The following FAS variants were observed in gnomAD, a reference collection of about 807,000 sequenced individuals.
FAS encodes Fas cell surface death receptor, also known as tumor necrosis factor receptor superfamily member 6.
In FAS, 5 loss-of-function variants were observed where a neutral mutation model predicts 33.2. The ratio of observed to expected loss-of-function variants is 0.15; its 90% CI spans 0.08 to 0.32. The LOEUF (loss-of-function observed/expected upper bound fraction) is 0.32, where lower values mean the gene tolerates loss of function less well. FAS is among the 10% of genes least tolerant of loss of function. The probability of loss-of-function intolerance (pLI) is 1.00; values close to 1 mark genes in which losing one functional copy is unlikely to be tolerated. For missense variants in FAS, 339 were observed against 386.0 expected, an observed-to-expected ratio of 0.88 and a Z score of 1.02; for synonymous variants, 131 against 130.7, an observed-to-expected ratio of 1.00 and a Z score of -0.01.
chr10:88,970,582 C>T (rs1846416868), intron 1 of FAS, among the ~76,000 whole-genome samples: 1 of 152,050 alleles, frequency 6.6e-6, no homozygotes, highest in Non-Finnish European at 1.5e-5. Context: ...TTTAGATAGT[C>T]CAGAAATTAG....
intron 1 of FAS, among the ~76,000 whole-genome samples, chr10:88,969,124 AC>A (rs1403573565): frequency 1.3e-5 from 2 of 152,134 alleles, no homozygotes; most frequent in Non-Finnish European, 2.9e-5. Flanking sequence ...CAAGACAAAC[AC>A]TTTTATAAGT....
chr10:89,004,471 C>T (rs568981306), intron 2 of FAS, among the ~76,000 whole-genome samples: 3 of 151,384 alleles, frequency 2.0e-5, no homozygotes, highest in African/African-American at 4.9e-5. Flanking sequence ...CCCACTAACT[C>T]GTCATCTAGC....
chr10:88,993,221 C>A (rs1847366641), intron 1 of FAS, among the ~76,000 whole-genome samples: 1 of 152,024 alleles, frequency 6.6e-6, no homozygotes, highest in South Asian at 2.1e-4. Flanking sequence ...TTTGAAATCC[C>A]AAAAAGTTGA....
chr10:88,973,770 A>G (rs1846500935), intron 2 of FAS: 1 of 152,546 alleles, frequency 6.6e-6, no homozygotes, highest in Admixed American at 6.5e-5. Flanking sequence ...ACAGGTATAT[A>G]TATTTGCATA....
At position 89,014,550 on chromosome 10, in the gene FAS, AT is replaced by A; in HGVS notation, c.*104del. On this transcript the variant is annotated 3_prime_UTR_variant, in exon 9 of 9. Transcript: ENST00000652046. ...TACTGCTTGGTTTTTTACTGGGTAC[AT>A]TTTATCATTTATTAGCGCTGAAGAG... The A allele has an allele frequency of 9.2e-7, 1 of 1,091,736 alleles. No individual in the cohort carries two copies. The highest frequency in any genetic ancestry group is 1.4e-6 in the Non-Finnish European group (1 of 740,048). 67.6% of individuals were successfully genotyped at this position (1,091,736 alleles called of 1,614,324 possible). A position where few individuals can be genotyped will look rare whatever the true frequency, so the allele number is the denominator to read the frequency against.
At chr10:89,010,903 T>A in intron 6 of FAS, 88 bp downstream of exon 6, 1 of 1,462,314 alleles carries the variant, frequency 6.8e-7, no homozygotes, top group Non-Finnish European at 9.6e-7. Context: ...TATAAAAAGC[T>A]ACCACTTTGG....
chr10:88,994,098 AG>A (rs1328537570), intron 1 of FAS, among the ~76,000 whole-genome samples: 8 of 152,234 alleles, frequency 5.3e-5, no homozygotes, highest in Admixed American at 1.3e-4. Context: ...GTTGTCTCTG[AG>A]TAAGCTCTTT....
rs2133471460 is a variant in FAS at position 89,003,125 on chromosome 10, A to G, written c.127A>G (p.Thr43Ala). ...KGLELRKTVT[T>A]VETQNLEGLH... ...ATTGGAATTGAGGAAGACTGTTACT[A>G]CAGTTGAGACTCAGAACTTGGAAGG... Residue 43 changes from threonine (T) to alanine (A), a missense_variant, in exon 2 of 9, where the codon ACA becomes GCA. Thr to Ala is a moderately conservative substitution (Grantham distance 58, BLOSUM62 0). This residue lies in a region of FAS where 276 missense variants were observed against 300.1 expected (regional missense o/e 0.92). Coordinates refer to ENST00000652046, the MANE Select transcript of FAS (RefSeq NM_000043.6). 6.2e-7 allele frequency: 1 copy of G among 1,614,206 alleles called. No individual in the cohort carries two copies. The highest frequency in any genetic ancestry group is 1.1e-5 in the South Asian group (1 of 91,092).
At chr10:88,994,676 A>G (rs1847475313) in intron 1 of FAS, among the ~76,000 whole-genome samples, 1 of 152,070 alleles carries the variant, frequency 6.6e-6, no homozygotes, top group African/African-American at 2.4e-5. Context: ...AATTTGAGCT[A>G]TATATAGTCT....
At chr10:88,969,344 C>G (rs1313787149) in intron 1 of FAS, among the ~76,000 whole-genome samples, 1 of 152,218 alleles carries the variant, frequency 6.6e-6, no homozygotes, top group African/African-American at 2.4e-5. Flanking sequence ...CCACATTCTG[C>G]TATGCCTTAG....
chr10:88,996,508 G>A (rs1847603580), intron 1 of FAS, among the ~76,000 whole-genome samples: 1 of 152,048 alleles, frequency 6.6e-6, no homozygotes, highest in Non-Finnish European at 1.5e-5. Flanking sequence ...GGAGGAATAA[G>A]TTCAAGAGAT....
intron 2 of FAS, chr10:88,973,748 GGCCAAA>G (rs1723449856): frequency 6.5e-6 from 1 of 153,294 alleles, no homozygotes; most frequent in Admixed American, 6.5e-5. Flanking sequence ...GTTTTTGCCA[GGCCAAA>G]TATTAACAGG....
Position 88,970,555 on chromosome 10 carries a change from A to G in FAS, n.95-2627A>G, listed in dbSNP as rs551807617. Among the ~76,000 whole-genome samples, 10 of 152,304 alleles carry G rather than the reference A, an allele frequency of 6.6e-5. No homozygotes were observed. The East Asian group carries it at 1.9e-3, about 29-fold the overall frequency. On this transcript the variant is annotated intron_variant and non_coding_transcript_variant, in intron 1 of 3. Coordinates refer to the FAS transcript ENST00000688239. ...GAGGTAGGAAGAAGGACATTCAACC[A>G]GAATACTAAAATTGCATTTAGATAG...
upstream of FAS, among the ~76,000 whole-genome samples, chr10:88,982,537 G>A (rs903145763): frequency 6.6e-6 from 1 of 152,172 alleles, no homozygotes; most frequent in African/African-American, 2.4e-5. Context: ...GATTCACTGA[G>A]GGGGGAATTC....
chr10:88,991,927 A>G (rs1847254152), intron 1 of FAS, among the ~76,000 whole-genome samples: 1 of 152,246 alleles, frequency 6.6e-6, no homozygotes. Context: ...TTTTTATTTT[A>G]TTGGGCCCCA....
At position 89,015,183 on chromosome 10, in the gene FAS, T is replaced by C; in HGVS notation, c.*733T>C. 1.9e-6 allele frequency: 1 copy of C among 534,912 alleles called. No homozygotes were observed. The highest frequency in any genetic ancestry group is 3.6e-6 in the Non-Finnish European group (1 of 276,718). The allele number at this position is 534,912 out of a possible 1,614,324, so 33.1% of individuals were successfully genotyped here. On this transcript the variant is annotated 3_prime_UTR_variant, in exon 9 of 9. Coordinates refer to ENST00000652046, the MANE Select transcript of FAS (RefSeq NM_000043.6). ...AAAAGCATTTTGAGCAGGAGAGTAT[T>C]ACTAGAGCTTTGCCACCTCTCCATT...
intron 2 of FAS, among the ~76,000 whole-genome samples, chr10:89,005,326 G>T (rs9658745): frequency 8.9e-4 from 135 of 152,108 alleles, no homozygotes; most frequent in African/African-American, 3.0e-3. Flanking sequence ...TCACAAAATT[G>T]TCAAATGATT....
At chr10:88,986,994 A>G (rs1356451402), upstream of FAS, among the ~76,000 whole-genome samples, 2 of 152,198 alleles carry the variant, frequency 1.3e-5, no homozygotes, top group African/African-American at 4.8e-5. Flanking sequence ...AGGAGGTGAC[A>G]ATGTCTATAT....
Position 89,015,832 on chromosome 10 carries a change from C to T in FAS, c.*1382C>T, listed in dbSNP as rs1237584624. ...GTAGGGGCTTGCTTTTTGGTTTTGTCTTCCTTTTCTCTAACTGATGCTAAA... is the reference window on the plus strand; with the variant it reads ...GTAGGGGCTTGCTTTTTGGTTTTGTTTTCCTTTTCTCTAACTGATGCTAAA... On this transcript the variant is annotated 3_prime_UTR_variant, in exon 9 of 9. Transcript: ENST00000652046. 2 of 431,204 alleles carry T rather than the reference C, an allele frequency of 4.6e-6. No homozygotes were observed. The highest frequency in any genetic ancestry group is 4.0e-5 in the African/African-American group (2 of 50,328). 26.7% of individuals were successfully genotyped at this position (431,204 alleles called of 1,614,324 possible). A position where few individuals can be genotyped will look rare whatever the true frequency, so the allele number is the denominator to read the frequency against.
Sources: gnomAD v4.1 joint callset for allele counts (sites outside exome capture counted in the v4.1 genomes callset) on GRCh38, gnomAD v4.1.1 for gene constraint, gnomAD v4.1.1 regional missense constraint, MANE v1.5 for transcripts, NCBI Gene and HGNC (gene_info 2026-07-23, HGNC 2026-07-21) for gene names.